Variants in PRKG1 observed in about 807,000 individuals in gnomAD.
PRKG1 encodes the protein cGMP-dependent protein kinase 1.
Under a neutral mutation model 88.1 loss-of-function variants are expected in PRKG1, and 35 were observed. The ratio of observed to expected loss-of-function variants is 0.40; its 90% CI spans 0.30 to 0.53. The LOEUF is 0.53. Ranked by LOEUF, PRKG1 falls within the 20% of genes least tolerant of loss-of-function variation. The probability of loss-of-function intolerance (pLI) is 0.59; values close to 1 mark genes in which losing one functional copy is unlikely to be tolerated. For missense variants in PRKG1, 540 were observed against 839.8 expected (o/e 0.64, Z 4.41); for synonymous variants, 303 against 292.5 (o/e 1.04, Z -0.37).
At chr10:51,012,240 C>T (rs1294281763) in intron 1 of PRKG1, among the ~76,000 whole-genome samples, 1 of 152,168 alleles carries the variant, frequency 6.6e-6, no homozygotes, top group East Asian at 1.9e-4. Flanking sequence ...GAGGAGCTTT[C>T]TAGCAGAGTT....
chr10:51,274,866 A>G (rs1840074051), intron 2 of PRKG1, among the ~76,000 whole-genome samples: 1 of 152,220 alleles, frequency 6.6e-6, no homozygotes, highest in African/African-American at 2.4e-5. Flanking sequence ...CTCTCTATGG[A>G]CAGGGGAGTA....
At chr10:51,208,732 T>C (rs1175277373) in intron 2 of PRKG1, among the ~76,000 whole-genome samples, 5 of 152,178 alleles carry the variant, frequency 3.3e-5, no homozygotes, top group African/African-American at 1.2e-4. Context: ...GTGGGATTTT[T>C]GCCATCACAA....
At chr10:51,482,293 C>T (rs533498687) in intron 3 of PRKG1, among the ~76,000 whole-genome samples, 2 of 152,268 alleles carry the variant, frequency 1.3e-5, no homozygotes, top group South Asian at 2.1e-4. Context: ...TAAAATCAAA[C>T]ACTATGAGAT....
At chr10:51,066,399 C>A (rs1297955736) in intron 1 of PRKG1, among the ~76,000 whole-genome samples, 4 of 152,040 alleles carry the variant, frequency 2.6e-5, no homozygotes, top group Non-Finnish European at 5.9e-5. Context: ...TGGCCACAGG[C>A]TGGGCAAATT....
chr10:52,268,181 A>T (rs1229362786), intron 10 of PRKG1, among the ~76,000 whole-genome samples: 1 of 152,164 alleles, frequency 6.6e-6, no homozygotes, highest in Admixed American at 6.6e-5. Flanking sequence ...AAGGAAGATG[A>T]TTCTAGACCC....
chr10:50,997,664 G>A (rs1450654355), intron 1 of PRKG1, among the ~76,000 whole-genome samples: 1 of 152,138 alleles, frequency 6.6e-6, no homozygotes, highest in African/African-American at 2.4e-5. Context: ...GTTTCTTGTA[G>A]CTCTTGGAAG....
At chr10:51,911,047 TCTC>T (rs1564704625) in intron 5 of PRKG1, 1 of 152,184 alleles carries the variant, frequency 6.6e-6, no homozygotes, top group Non-Finnish European at 1.5e-5. Context: ...GACTTACTGG[TCTC>T]CTTCATCTAT....
chr10:51,081,570 T>G (rs988769304), intron 1 of PRKG1, among the ~76,000 whole-genome samples: 1 of 152,182 alleles, frequency 6.6e-6, no homozygotes, highest in African/African-American at 2.4e-5. Flanking sequence ...CTTGGTGGTG[T>G]TTGTGCAGCC....
At chr10:52,034,110 ACTT>A (rs1845542991) in intron 5 of PRKG1, among the ~76,000 whole-genome samples, 1 of 151,762 alleles carries the variant, frequency 6.6e-6, no homozygotes, top group Non-Finnish European at 1.5e-5. Flanking sequence ...GGGCATATTC[ACTT>A]CTTTTGTGAT....
At chr10:52,213,643 T>G (rs893815569) in intron 9 of PRKG1, among the ~76,000 whole-genome samples, 1 of 152,164 alleles carries the variant, frequency 6.6e-6, no homozygotes. Flanking sequence ...AGTAGCTTAG[T>G]AGAGCCATCC....
chr10:52,234,237 A>G (rs1445100547), intron 9 of PRKG1, among the ~76,000 whole-genome samples: 1 of 152,232 alleles, frequency 6.6e-6, no homozygotes, highest in Non-Finnish European at 1.5e-5. Context: ...GAAAAACTGG[A>G]AACTCTAAAA....
At chr10:51,177,733 AT>A (rs757552841) in intron 2 of PRKG1, among the ~76,000 whole-genome samples, 4 of 152,052 alleles carry the variant, frequency 2.6e-5, no homozygotes, top group Admixed American at 6.6e-5. Flanking sequence ...TTCCTGATGT[AT>A]ATGTTATGCA....
chr10:51,423,492 C>CT (rs1838479385), intron 2 of PRKG1, among the ~76,000 whole-genome samples: 2 of 151,856 alleles, frequency 1.3e-5, no homozygotes, highest in Non-Finnish European at 2.9e-5. Flanking sequence ...GATTTTTTTT[C>CT]TCCAGATTTC....
At chr10:51,400,128 A>G (rs968203819) in intron 2 of PRKG1, among the ~76,000 whole-genome samples, 3 of 152,208 alleles carry the variant, frequency 2.0e-5, no homozygotes, top group African/African-American at 7.2e-5. Context: ...TTTTTTGAGT[A>G]CCTACTATAT....
chr10:51,836,188 C>G (rs1321392997), intron 4 of PRKG1, among the ~76,000 whole-genome samples: 1 of 152,068 alleles, frequency 6.6e-6, no homozygotes, highest in Admixed American at 6.6e-5. Flanking sequence ...ACACATCAAC[C>G]AATGGAATAG....
At chr10:51,718,013 C>T (rs1841926751) in intron 3 of PRKG1, among the ~76,000 whole-genome samples, 1 of 152,074 alleles carries the variant, frequency 6.6e-6, no homozygotes, top group South Asian at 2.1e-4. Context: ...TTTATGTATA[C>T]ACTCATTAAA....
At chr10:51,088,392 G>GTTTTTTTT (rs35801594) in intron 1 of PRKG1, among the ~76,000 whole-genome samples, 3 of 138,418 alleles carry the variant, frequency 2.2e-5, no homozygotes, top group Non-Finnish European at 3.1e-5. Context: ...TTGGTTTTCA[G>GTTTTTTTT]TTTTTTTTTT....
chr10:51,477,114 T>C (rs1457803655), intron 3 of PRKG1, among the ~76,000 whole-genome samples: 1 of 151,910 alleles, frequency 6.6e-6, no homozygotes, highest in East Asian at 1.9e-4. Context: ...CAAATGTTGT[T>C]TTTGGCAGTT....
intron 1 of PRKG1, among the ~76,000 whole-genome samples, chr10:51,048,433 C>T (rs1843518310): frequency 6.6e-6 from 1 of 151,996 alleles, no homozygotes; most frequent in Admixed American, 6.6e-5. Flanking sequence ...ATAAAGTAAC[C>T]CAAATCCCAC....
Sources: allele counts gnomAD v4.1 joint callset (sites outside exome capture counted in the v4.1 genomes callset), GRCh38; gene constraint gnomAD v4.1.1; transcripts MANE v1.5; gene names NCBI Gene and HGNC (gene_info 2026-07-23, HGNC 2026-07-21).